TDRD15: variants seen among roughly 807,000 people sequenced by gnomAD.
The protein encoded by TDRD15 is tudor domain containing 15.
For missense variants in TDRD15, 1,416 were observed against 904.7 expected (o/e 1.57, Z -7.25); for synonymous variants, 503 against 314.5 (o/e 1.60, Z -6.34).
Position 21,140,911 on chromosome 2 carries a change from C to T in TDRD15, c.3444C>T (p.Asp1148=), listed in dbSNP as rs1665910128. 1 of 707,932 alleles carries T rather than the reference C, an allele frequency of 1.4e-6. No homozygotes were observed. Among genetic ancestry groups the T allele is most frequent in the Non-Finnish European group, 2.6e-6 (1 of 381,724 alleles). The allele number at this position is 707,932 out of a possible 1,614,324, so 43.9% of individuals were successfully genotyped here. A position where few individuals can be genotyped will look rare whatever the true frequency, so the allele number is the denominator to read the frequency against. Residue 1148 remains aspartate (D), a synonymous_variant, in exon 4 of 4, where the codon GAC becomes GAT. Transcript: ENST00000405799. ...LLHAYGKRHC[D]QACCMEKSNK... Reference sequence around the variant, plus strand: ...ATGCTTATGGAAAAAGACATTGTGACCAAGCATGCTGCATGGAAAAGAGTA... The same window carrying T: ...ATGCTTATGGAAAAAGACATTGTGATCAAGCATGCTGCATGGAAAAGAGTA...
At chr2:21,133,111 T>A (rs1047826290) in intron 2 of TDRD15, among the ~76,000 whole-genome samples, 1 of 152,160 alleles carries the variant, frequency 6.6e-6, no homozygotes, top group African/African-American at 2.4e-5. Context: ...TTCTGAAATA[T>A]GCATACTCAA....
At position 21,132,485 on chromosome 2, in the gene TDRD15, A is replaced by G. The variant is rs1041392728; in HGVS notation, c.-89-2277A>G. On this transcript the variant is annotated intron_variant, in intron 2 of 3. Transcript: ENST00000405799. ...AGATAGTTTAGGCCAGGATTGTGGC[A>G]GCAGAATTGCAAGTGTCAGATTTTT... Among the ~76,000 whole-genome samples, 10 of 152,262 alleles carry G rather than the reference A, an allele frequency of 6.6e-5. No individual in the cohort carries two copies. The South Asian group carries it at 1.9e-3, about 28-fold the overall frequency.
intron 3 of TDRD15, among the ~76,000 whole-genome samples, chr2:21,135,837 CTG>C (rs1665797562): frequency 6.6e-6 from 1 of 151,926 alleles, no homozygotes; most frequent in South Asian, 2.1e-4. Context: ...AGGAGTCCAT[CTG>C]TATTGTTTGA....
Position 21,142,814 on chromosome 2 carries a change from C to T in TDRD15, c.5347C>T (p.Pro1783Ser), listed in dbSNP as rs1665962834. 8 of 714,972 alleles carry T rather than the reference C, an allele frequency of 1.1e-5. No individual in the cohort carries two copies. The highest frequency in any genetic ancestry group is 2.1e-5 in the Non-Finnish European group (8 of 383,528). The allele number at this position is 714,972 out of a possible 1,614,324, so 44.3% of individuals were successfully genotyped here. A position where few individuals can be genotyped will look rare whatever the true frequency, so the allele number is the denominator to read the frequency against. Residue 1783 changes from proline (P) to serine (S), a missense_variant, in exon 4 of 4, where the codon CCC becomes TCC. Pro to Ser is a moderately conservative substitution (Grantham distance 74). Coordinates refer to ENST00000405799, the MANE Select transcript of TDRD15 (RefSeq NM_001306137.2). ...AACATTGCCTCAGGAGTTCATAATTCCCGGTTCTAGTTGTTTGTTCAAATA... is the reference window on the plus strand; with the variant it reads ...AACATTGCCTCAGGAGTTCATAATTTCCGGTTCTAGTTGTTTGTTCAAATA... ...LQTLPQEFII[P>S]GSSCLFKYKS...
rs116756692 is a variant in TDRD15, at chr2:21,138,704, C to T, written c.1237C>T (p.Leu413=). ...AGAGTCTACAGTTAATTCTAAGTGTCTACTGAAGACTGTAGGCACACAAGT... is the reference window on the plus strand; with the variant it reads ...AGAGTCTACAGTTAATTCTAAGTGTTTACTGAAGACTGTAGGCACACAAGT... ...TQESTVNSKC[L]LKTVGTQVLC... Residue 413 remains leucine, a synonymous_variant, in exon 4 of 4, where the codon CTA becomes TTA. Coordinates refer to ENST00000405799, the MANE Select transcript of TDRD15 (RefSeq NM_001306137.2). 1.4e-6 allele frequency: 1 copy of T among 715,580 alleles called. No individual in the cohort carries two copies. The highest frequency in any genetic ancestry group is 2.6e-6 in the Non-Finnish European group (1 of 384,146). The allele number at this position is 715,580 out of a possible 1,614,324, so 44.3% of individuals were successfully genotyped here.
At chr2:21,128,300 A>T (rs1449583349) in intron 2 of TDRD15, among the ~76,000 whole-genome samples, 3 of 150,688 alleles carry the variant, frequency 2.0e-5, no homozygotes, top group Non-Finnish European at 4.4e-5. Flanking sequence ...TTTTTTTTTT[A>T]AATCTGTCAT....
chr2:21,135,172 A>C (rs1665786047), intron 3 of TDRD15, among the ~76,000 whole-genome samples: 1 of 147,058 alleles, frequency 6.8e-6, no homozygotes, highest in Non-Finnish European at 1.5e-5. Context: ...ATAAGATATA[A>C]TAAAAAGATA....
chr2:21,139,599 A>C lies in TDRD15; in HGVS notation c.2132A>C (p.Asn711Thr), dbSNP rs1665879914. ...EGPKSKKYHS[N>T]NLVENNLSLP... ...CCTAAATCTAAAAAGTACCATTCAA[A>C]TAACCTGGTGGAAAATAACTTGTCT... is the stretch of plus-strand genomic sequence containing the variant. Residue 711 changes from asparagine (N) to threonine (T), a missense_variant, in exon 4 of 4, where the codon AAT becomes ACT. Asn to Thr is a moderately conservative substitution (Grantham distance 65). Coordinates refer to ENST00000405799, the MANE Select transcript of TDRD15 (RefSeq NM_001306137.2). The C allele has an allele frequency of 1.4e-6, 1 of 715,036 alleles. No homozygotes were observed. Among genetic ancestry groups the C allele is most frequent in the African/African-American group, 1.8e-5 (1 of 57,092 alleles). The allele number at this position is 715,036 out of a possible 1,614,324, so 44.3% of individuals were successfully genotyped here. A position where few individuals can be genotyped will look rare whatever the true frequency, so the allele number is the denominator to read the frequency against.
rs1665874562 is a variant in TDRD15, at chr2:21,139,318, A to G, written c.1851A>G (p.Lys617=). ...LWTKAAIDYF[K]KLVLNKAILL... is the part of the protein sequence containing the mutation. ...CTAAGGCTGCAATTGATTATTTTAA[A>G]AAATTAGTTTTGAACAAAGCAATTT... is the stretch of plus-strand genomic sequence containing the variant. The change falls in exon 4 of 4, where the codon AAA becomes AAG. Residue 617 remains lysine (K), a synonymous_variant. Coordinates refer to ENST00000405799, the MANE Select transcript of TDRD15 (RefSeq NM_001306137.2). 1.4e-6 allele frequency: 1 copy of G among 706,626 alleles called. No individual in the cohort carries two copies. Among genetic ancestry groups the G allele is most frequent in the African/African-American group, 1.8e-5 (1 of 56,434 alleles). The allele number at this position is 706,626 out of a possible 1,614,324, so 43.8% of individuals were successfully genotyped here. A position where few individuals can be genotyped will look rare whatever the true frequency, so the allele number is the denominator to read the frequency against.
rs2103449293 is a variant in TDRD15 at position 21,143,700 on chromosome 2, A to G, written c.*428A>G. 6.6e-6 allele frequency among the ~76,000 whole-genome samples: 1 copy of G among 151,890 alleles called. No homozygotes were observed. ...TTAAAAGGTAAACAGACATTTTTAT[A>G]AAGTAGATTATTTTCTGTAGATTCT... On this transcript the variant is annotated 3_prime_UTR_variant, in exon 4 of 4. Coordinates refer to ENST00000405799, the MANE Select transcript of TDRD15 (RefSeq NM_001306137.2).
chr2:21,137,558 T>C lies in TDRD15; in HGVS notation c.91T>C (p.Phe31Leu). 1.4e-6 allele frequency: 1 copy of C among 714,428 alleles called. No homozygotes were observed. The highest frequency in any genetic ancestry group is 2.6e-6 in the Non-Finnish European group (1 of 383,850). The allele number at this position is 714,428 out of a possible 1,614,324, so 44.3% of individuals were successfully genotyped here. ...KCLPKDILVK[F>L]QGIKSNECEF... The stretch of plus-strand genomic sequence containing the variant: ...TCTTCCCAAGGATATTCTGGTGAAA[T>C]TTCAAGGCATAAAGAGTAATGAATG... Residue 31 changes from phenylalanine (F) to leucine (L), a missense_variant, in exon 4 of 4, where the codon TTT (phenylalanine) becomes CTT (leucine). Coordinates refer to ENST00000405799, the MANE Select transcript of TDRD15 (RefSeq NM_001306137.2).
rs1431684047 is a variant in TDRD15, at chr2:21,138,376, A to G, written c.909A>G (p.Gly303=). The G allele has an allele frequency of 4.2e-6, 3 of 716,522 alleles. 1 individual carries two copies. The Admixed American group carries it at 6.0e-5, about 14-fold the overall frequency. The allele number at this position is 716,522 out of a possible 1,614,324, so 44.4% of individuals were successfully genotyped here. ...GLLCVARRRN[G]QWHRGILQQL... is the part of the protein sequence containing the mutation. ...TTTGTGTTGCCAGAAGGCGAAATGG[A>G]CAGTGGCATAGAGGAATTCTTCAGC... The change falls in exon 4 of 4, where the codon GGA becomes GGG. Residue 303 remains glycine, a synonymous_variant. Coordinates refer to ENST00000405799, the MANE Select transcript of TDRD15 (RefSeq NM_001306137.2).
At chr2:21,136,498 T>C (rs1665809545) in intron 3 of TDRD15, among the ~76,000 whole-genome samples, 2 of 151,972 alleles carry the variant, frequency 1.3e-5, no homozygotes, top group Non-Finnish European at 1.5e-5. Context: ...TTCTATGGAG[T>C]AGCATTTCCT....
rs1276744164 is a variant in TDRD15 at position 21,141,148 on chromosome 2, T to G, written c.3681T>G (p.Thr1227=). The change falls in exon 4 of 4, where the codon ACT becomes ACG. Residue 1227 remains threonine, a synonymous_variant. Coordinates refer to ENST00000405799, the MANE Select transcript of TDRD15 (RefSeq NM_001306137.2). The stretch of plus-strand genomic sequence containing the variant: ...CTGTGTCAAAAAACAAAATGAAGAC[T>G]TCTTTGAATGATGGGCTTAAAGGTA... ...MEPVSKNKMK[T]SLNDGLKGIK... is the part of the protein sequence containing the mutation. 2 of 713,934 alleles carry G rather than the reference T, an allele frequency of 2.8e-6. No homozygotes were observed. The highest frequency in any genetic ancestry group is 1.8e-5 in the African/African-American group (1 of 57,030). 44.2% of individuals were successfully genotyped at this position (713,934 alleles called of 1,614,324 possible). A position where few individuals can be genotyped will look rare whatever the true frequency, so the allele number is the denominator to read the frequency against.
intron 3 of TDRD15, among the ~76,000 whole-genome samples, chr2:21,135,115 ATATAT>A (rs1008325179): frequency 2.7e-5 from 4 of 146,252 alleles, no homozygotes; most frequent in South Asian, 2.1e-4. Context: ...ATAATATAAA[ATATAT>A]TATGTATTAA....
chr2:21,127,956 TGTAA>T (rs1558294997), intron 2 of TDRD15, among the ~76,000 whole-genome samples: 1 of 152,344 alleles, frequency 6.6e-6, no homozygotes, highest in East Asian at 1.9e-4. Flanking sequence ...GTTTTAATTT[TGTAA>T]GTGTTTCAAC....
At chr2:21,125,283 A>G (rs868572681) in intron 1 of TDRD15, among the ~76,000 whole-genome samples, 2 of 148,688 alleles carry the variant, frequency 1.3e-5, no homozygotes, top group South Asian at 4.3e-4. Flanking sequence ...TCTGTGTGTG[A>G]GAGAGAGCGA....
chr2:21,132,649 G>T (rs1427465757), intron 2 of TDRD15, among the ~76,000 whole-genome samples: 2 of 152,002 alleles, frequency 1.3e-5, no homozygotes, highest in African/African-American at 4.8e-5. Context: ...GTTGTTTATA[G>T]CTTCATTTTT....
In TDRD15 at chr2:21,141,528, C is replaced by T; in HGVS notation, c.4061C>T (p.Ser1354Phe). The stretch of plus-strand genomic sequence containing the variant: ...GGAGATCTTGTAGTTGCAGAATATT[C>T]TGGTGACAATGCCATTTACAGGGCA... Reference protein sequence around the residue: ...LVGDLVVAEYSGDNAIYRAVI... With the variant: ...LVGDLVVAEYFGDNAIYRAVI... Residue 1354 changes from serine to phenylalanine, a missense_variant, in exon 4 of 4, where the codon TCT (serine) becomes TTT (phenylalanine). Coordinates refer to ENST00000405799, the MANE Select transcript of TDRD15 (RefSeq NM_001306137.2). The T allele has an allele frequency of 2.8e-6, 2 of 715,014 alleles. No individual in the cohort carries two copies. The highest frequency in any genetic ancestry group is 5.2e-6 in the Non-Finnish European group (2 of 383,580). The allele number at this position is 715,014 out of a possible 1,614,324, so 44.3% of individuals were successfully genotyped here.
Sources: gnomAD v4.1 joint callset for allele counts (sites outside exome capture counted in the v4.1 genomes callset) on GRCh38, gnomAD v4.1.1 for gene constraint, MANE v1.5 for transcripts, NCBI Gene and HGNC (gene_info 2026-07-23, HGNC 2026-07-21) for gene names.